Variants in SERPINB12 observed in about 807,000 individuals in gnomAD.
SERPINB12 encodes the protein serpin family B member 12, also known as serpin B12.
Under a neutral mutation model 41.1 loss-of-function variants are expected in SERPINB12, and 57 were observed. That is an observed-to-expected ratio of 1.39 (90% CI 1.12 to 1.73). The LOEUF is 1.73. Among genes scored for constraint, SERPINB12 ranks in the 40% most tolerant of loss-of-function variants. The pLI, the probability that SERPINB12 is intolerant of heterozygous loss-of-function variation, is 0.00. For synonymous variants in SERPINB12, 180 were observed against 181.3 expected (o/e 0.99, Z 0.06); for missense variants, 536 against 501.9 (o/e 1.07, Z -0.65).
the SERPINB12 span, among the ~76,000 whole-genome samples, chr18:63,524,133 T>G: frequency 6.6e-6 from 1 of 152,126 alleles, no homozygotes; most frequent in Non-Finnish European, 1.5e-5. Flanking sequence ...CTTTTTTTTT[T>G]GCTAGAAAAG....
At chr18:63,546,317 C>A (rs1298274840) in intron 1 of SERPINB12, among the ~76,000 whole-genome samples, 1 of 152,178 alleles carries the variant, frequency 6.6e-6, no homozygotes, top group Non-Finnish European at 1.5e-5. Context: ...CACTGACCCT[C>A]ATGTTTACAG....
chr18:63,535,909 G>A, the SERPINB12 span, among the ~76,000 whole-genome samples: 9 of 151,984 alleles, frequency 5.9e-5, no homozygotes, highest in East Asian at 1.9e-4. Flanking sequence ...TGATGAATAA[G>A]TTACATAGAT....
chr18:63,554,672 G>A (rs1468714441), intron 1 of SERPINB12, among the ~76,000 whole-genome samples: 3 of 152,140 alleles, frequency 2.0e-5, no homozygotes, highest in Middle Eastern at 6.3e-3. Context: ...GATTGGGTGG[G>A]GAAGGCAAGA....
chr18:63,520,865 T>A, the SERPINB12 span, among the ~76,000 whole-genome samples: 2 of 152,142 alleles, frequency 1.3e-5, no homozygotes, highest in African/African-American at 4.8e-5. Context: ...AGGGAAACTC[T>A]CCAAAAGAAA....
At chr18:63,565,014 T>A (rs982186548) in intron 6 of SERPINB12, among the ~76,000 whole-genome samples, 2 of 151,998 alleles carry the variant, frequency 1.3e-5, no homozygotes, top group African/African-American at 4.8e-5. Flanking sequence ...AGGGAGACCG[T>A]GTCTCTACAA....
chr18:63,545,316 G>A (rs1243590036), intron 1 of SERPINB12, among the ~76,000 whole-genome samples: 1 of 151,898 alleles, frequency 6.6e-6, no homozygotes, highest in African/African-American at 2.4e-5. Context: ...GAAGTCACGG[G>A]TACTAGAGAG....
Position 63,569,015 on chromosome 18 carries a change from G to C in SERPINB12, c.*2004G>C, listed in dbSNP as rs1410749600. Reference sequence around the variant, plus strand: ...TGGTTCCTTTTGGGGTTGACGTTTTGGGGGCTGTTTCCATGTCTGACTTGG... The same window carrying C: ...TGGTTCCTTTTGGGGTTGACGTTTTCGGGGCTGTTTCCATGTCTGACTTGG... On this transcript the variant is annotated 3_prime_UTR_variant, in exon 8 of 8. Transcript: ENST00000382768. 6.6e-6 allele frequency among the ~76,000 whole-genome samples: 1 copy of C among 152,124 alleles called. No individual in the cohort carries two copies. Among genetic ancestry groups the C allele is most frequent in the Non-Finnish European group, 1.5e-5 (1 of 68,030 alleles).
At chr18:63,539,168 C>G (rs928162389), upstream of SERPINB12, among the ~76,000 whole-genome samples, 2 of 152,132 alleles carry the variant, frequency 1.3e-5, no homozygotes, top group Non-Finnish European at 2.9e-5. Flanking sequence ...GACCATGACT[C>G]TTCTTGAGGT....
At chr18:63,528,132 G>T in the SERPINB12 span, among the ~76,000 whole-genome samples, 1 of 151,788 alleles carries the variant, frequency 6.6e-6, no homozygotes, top group African/African-American at 2.4e-5. Context: ...CCCCATCTTG[G>T]GTATGTCTTT....
chr18:63,520,707 G>A, the SERPINB12 span, among the ~76,000 whole-genome samples: 1 of 152,204 alleles, frequency 6.6e-6, no homozygotes, highest in African/African-American at 2.4e-5. Context: ...TTGATAGGTA[G>A]AAGCTAAGCA....
At chr18:63,523,867 G>C in the SERPINB12 span, among the ~76,000 whole-genome samples, 1 of 152,194 alleles carries the variant, frequency 6.6e-6, no homozygotes, top group East Asian at 1.9e-4. Context: ...AGGCAGTGAT[G>C]CGTGACTTGC....
chr18:63,542,684 G>T (rs1239915201), intron 1 of SERPINB12, among the ~76,000 whole-genome samples, 192 bp downstream of exon 1: 2 of 152,236 alleles, frequency 1.3e-5, no homozygotes, highest in East Asian at 1.9e-4. Context: ...GTGCAGGTTT[G>T]TTATATAGGT....
intron 1 of SERPINB12, among the ~76,000 whole-genome samples, chr18:63,554,387 T>C (rs1397245846): frequency 1.3e-5 from 2 of 152,250 alleles, no homozygotes; most frequent in Admixed American, 6.5e-5. Context: ...AAAAGTTACA[T>C]AATGTTATCT....
Position 63,566,853 on chromosome 18 carries a change from G to C in SERPINB12, c.1120G>C (p.Glu374Gln). 1 of 1,614,184 alleles carries C rather than the reference G, an allele frequency of 6.2e-7. No individual in the cohort carries two copies. The highest frequency in any genetic ancestry group is 8.5e-7 in the Non-Finnish European group (1 of 1,180,008). The change falls in exon 8 of 8, where the codon GAA (glutamate) becomes CAA (glutamine). Residue 374 changes from glutamate to glutamine, a missense_variant. Transcript: ENST00000382768. The part of the protein sequence containing the change: ...IIHKTFVEVD[E>Q]NGTQAAAATG... ...CCACAAAACCTTTGTGGAGGTGGATGAAAACGGTACCCAGGCAGCTGCAGC... is the reference window on the plus strand; with the variant it reads ...CCACAAAACCTTTGTGGAGGTGGATCAAAACGGTACCCAGGCAGCTGCAGC...
At chr18:63,530,035 G>A in the SERPINB12 span, among the ~76,000 whole-genome samples, 3 of 152,118 alleles carry the variant, frequency 2.0e-5, no homozygotes, top group Non-Finnish European at 4.4e-5. Flanking sequence ...GTCTGTGGAG[G>A]GGGTCTCATT....
At chr18:63,561,949 T>C (rs997271890) in intron 5 of SERPINB12, among the ~76,000 whole-genome samples, 2 of 152,094 alleles carry the variant, frequency 1.3e-5, no homozygotes, top group African/African-American at 4.8e-5. Context: ...ATGCCTACTA[T>C]CTGTGAGCAA....
upstream of SERPINB12, among the ~76,000 whole-genome samples, chr18:63,539,517 C>A (rs1231433622): frequency 6.6e-6 from 1 of 152,020 alleles, no homozygotes; most frequent in Admixed American, 6.6e-5. Flanking sequence ...TTTCTTGGGT[C>A]TCGGTCAAGG....
Position 63,567,126 on chromosome 18 carries a change from C to G in SERPINB12, c.*115C>G, listed in dbSNP as rs1292963345. The stretch of plus-strand genomic sequence containing the variant: ...ATATCTAAAGCATCTCCTTCATCCT[C>G]CAGCCATCGGCTTGTGCTTATCTTG... On this transcript the variant is annotated 3_prime_UTR_variant, in exon 8 of 8. Transcript: ENST00000382768. The G allele has an allele frequency of 9.1e-6, 9 of 991,148 alleles. No individual in the cohort carries two copies. The East Asian group carries it at 2.2e-4, about 25-fold the overall frequency. 61.4% of individuals were successfully genotyped at this position (991,148 alleles called of 1,614,324 possible).
Position 63,566,697 on chromosome 18 carries a change from T to C in SERPINB12, c.964T>C (p.Phe322Leu). 6.2e-7 allele frequency: 1 copy of C among 1,613,992 alleles called. No individual in the cohort carries two copies. Among genetic ancestry groups the C allele is most frequent in the Non-Finnish European group, 8.5e-7 (1 of 1,179,996 alleles). The change falls in exon 8 of 8, where the codon TTC (phenylalanine) becomes CTC (leucine). Residue 322 changes from phenylalanine to leucine, a missense_variant. Coordinates refer to ENST00000382768, the MANE Select transcript of SERPINB12 (RefSeq NM_001307928.2). ...EESVVLSFPRFTLEDSYDLNS... is the reference protein window; with the variant it reads ...EESVVLSFPRLTLEDSYDLNS... ...ATCGGTGGTCCTGTCCTTCCCCCGGTTCACCCTGGAAGACAGCTATGATCT... is the reference window on the plus strand; with the variant it reads ...ATCGGTGGTCCTGTCCTTCCCCCGGCTCACCCTGGAAGACAGCTATGATCT...
Sources: allele counts gnomAD v4.1 joint callset (sites outside exome capture counted in the v4.1 genomes callset), GRCh38; gene constraint gnomAD v4.1.1; transcripts MANE v1.5; gene names NCBI Gene and HGNC (gene_info 2026-07-23, HGNC 2026-07-21).